Variants in ZMIZ1 observed in about 807,000 individuals in gnomAD.
The protein encoded by ZMIZ1 is zinc finger MIZ domain-containing protein 1.
In ZMIZ1, 17 loss-of-function variants were observed where a neutral mutation model predicts 113.9. The ratio of observed to expected loss-of-function variants is 0.15; its 90% CI spans 0.10 to 0.22. ZMIZ1 has a LOEUF of 0.22. ZMIZ1 is among the 10% of genes least tolerant of loss of function. The pLI is 1.00. For synonymous variants in ZMIZ1, 607 were observed against 603.1 expected (o/e 1.01, Z -0.09); for missense variants, 1,059 against 1,477.8 (o/e 0.72, Z 4.65).
At chr10:79,162,966 G>C (rs980286120) in intron 4 of ZMIZ1, among the ~76,000 whole-genome samples, 2 of 152,202 alleles carry the variant, frequency 1.3e-5, no homozygotes, top group African/African-American at 2.4e-5. Context: ...GCTCTGTCCC[G>C]TGCCCCAGCA....
intron 6 of ZMIZ1, among the ~76,000 whole-genome samples, chr10:79,212,892 A>G (rs1162579553): frequency 6.6e-6 from 1 of 152,178 alleles, no homozygotes. Context: ...GTGAGCCACC[A>G]TACCCAGTCA....
chr10:79,157,367 G>GT (rs1845937687), intron 3 of ZMIZ1, among the ~76,000 whole-genome samples: 1 of 80,406 alleles, frequency 1.2e-5, no homozygotes, highest in Non-Finnish European at 2.4e-5. Context: ...CAGGCATAAG[G>GT]GGTGTGTGTG....
chr10:79,269,488 C>CACACAA (rs1564567614), intron 7 of ZMIZ1, among the ~76,000 whole-genome samples: 1 of 150,816 alleles, frequency 6.6e-6, no homozygotes, highest in African/African-American at 2.4e-5. Context: ...CACACACACA[C>CACACAA]ACTTTCTCTG....
intron 7 of ZMIZ1, among the ~76,000 whole-genome samples, chr10:79,262,159 C>T (rs1851308379): frequency 6.6e-6 from 1 of 152,230 alleles, no homozygotes; most frequent in Non-Finnish European, 1.5e-5. Context: ...TAACAGAGCA[C>T]CTGCATCTTG....
intron 2 of ZMIZ1, among the ~76,000 whole-genome samples, chr10:79,138,449 C>T (rs1845115170): frequency 6.6e-6 from 1 of 152,250 alleles, no homozygotes; most frequent in Admixed American, 6.5e-5. Flanking sequence ...CTTGGGCTGG[C>T]CCTCCTTTGG....
At position 79,304,020 on chromosome 10, in the gene ZMIZ1, C is replaced by T. The variant is rs1854516687; in HGVS notation, c.2131C>T (p.Arg711Trp). Residue 711 changes from arginine (R) to tryptophan (W), a missense_variant, in exon 19 of 25, where the codon CGG becomes TGG. Physicochemically the swap from Arg to Trp is moderately radical, Grantham distance 101. This residue lies in a region of ZMIZ1 where 217 missense variants were observed against 426.9 expected (regional missense o/e 0.51). Transcript: ENST00000334512. ...CTGTGCCTCCTGCCCCGCAGTCAAG[C>T]GGAATTTCAGCAGCGTGGCTGCCTC... ...PAEHCITKIK[R>W]NFSSVAASSG... The T allele has an allele frequency of 6.2e-7, 1 of 1,614,042 alleles. No homozygotes were observed. The highest frequency in any genetic ancestry group is 1.3e-5 in the African/African-American group (1 of 75,050).
chr10:79,247,605 G>T (rs1034206677), intron 7 of ZMIZ1, among the ~76,000 whole-genome samples: 1 of 152,202 alleles, frequency 6.6e-6, no homozygotes, highest in Non-Finnish European at 1.5e-5. Context: ...ACCCTGCTGG[G>T]TTCCCCAACT....
At chr10:79,173,857 C>T (rs112927327) in intron 4 of ZMIZ1, among the ~76,000 whole-genome samples, 17 of 152,248 alleles carry the variant, frequency 1.1e-4, no homozygotes, top group East Asian at 5.8e-4. Flanking sequence ...AGAATTTGAA[C>T]GCGGCTCCAT....
intron 1 of ZMIZ1, among the ~76,000 whole-genome samples, chr10:79,086,392 G>C (rs1842814518): frequency 6.6e-6 from 1 of 152,214 alleles, no homozygotes. Flanking sequence ...ATGAGTTCTT[G>C]AATGATCAAG....
chr10:79,102,893 A>G (rs1843414206), intron 1 of ZMIZ1, among the ~76,000 whole-genome samples: 1 of 152,248 alleles, frequency 6.6e-6, no homozygotes, highest in African/African-American at 2.4e-5. Flanking sequence ...TGTTAGTTTT[A>G]TGCCAGCCAG....
At chr10:79,201,816 C>T (rs972106974) in intron 5 of ZMIZ1, 124 bp downstream of exon 5, 18 of 1,045,512 alleles carry the variant, frequency 1.7e-5, no homozygotes, top group South Asian at 4.2e-5. Context: ...CTATCGAGGC[C>T]GTTATTGGCA....
At position 79,298,467 on chromosome 10, in the gene ZMIZ1, C is replaced by G; in HGVS notation, c.1553C>G (p.Pro518Arg). Residue 518 changes from proline to arginine, a missense_variant, in exon 15 of 25, where the codon CCC becomes CGC. By Grantham distance (103) the Pro-to-Arg change is moderately radical. Around this residue, in one of 6 missense-constraint regions of ZMIZ1, gnomAD observed 239 missense variants for 247.5 expected, o/e 0.97. Coordinates refer to ENST00000334512, the MANE Select transcript of ZMIZ1 (RefSeq NM_020338.4). Reference protein sequence around the residue: ...PHSPVPGNPTPPMTPGSSIPP... With the variant: ...PHSPVPGNPTRPMTPGSSIPP... Reference sequence around the variant, plus strand: ...TCACCTGTTCCAGGGAACCCCACACCCCCCATGACCCCTGGGAGCAGCATC... The same window carrying G: ...TCACCTGTTCCAGGGAACCCCACACGCCCCATGACCCCTGGGAGCAGCATC... 6.2e-7 allele frequency: 1 copy of G among 1,606,698 alleles called. No homozygotes were observed. Among genetic ancestry groups the G allele is most frequent in the East Asian group, 2.3e-5 (1 of 44,070 alleles).
At chr10:79,290,815 T>G in intron 9 of ZMIZ1, 144 bp from the exon 10 acceptor site, 1 of 926,964 alleles carries the variant, frequency 1.1e-6, no homozygotes, top group Non-Finnish European at 1.7e-6. Context: ...CTCAGAATAG[T>G]TCATCCACCC....
intron 2 of ZMIZ1, among the ~76,000 whole-genome samples, chr10:79,138,024 C>CT (rs1028482476): frequency 6.6e-6 from 1 of 152,228 alleles, no homozygotes; most frequent in African/African-American, 2.4e-5. Context: ...CCACACTCTC[C>CT]TTCACCTCCT....
intron 1 of ZMIZ1, among the ~76,000 whole-genome samples, chr10:79,104,956 T>G (rs954135246): frequency 7.7e-6 from 1 of 130,484 alleles, no homozygotes; most frequent in Non-Finnish European, 1.6e-5. Flanking sequence ...GTGGGGTGTG[T>G]GTGTGTGTGT....
intron 1 of ZMIZ1, among the ~76,000 whole-genome samples, chr10:79,095,529 C>A (rs1222807480): frequency 6.6e-6 from 1 of 152,216 alleles, no homozygotes; most frequent in Non-Finnish European, 1.5e-5. Context: ...GGGTGTCAGG[C>A]AGGTCTCTCC....
chr10:79,298,462 C>T lies in ZMIZ1; in HGVS notation c.1548C>T (p.Pro516=). 6.2e-7 allele frequency: 1 copy of T among 1,608,082 alleles called. No individual in the cohort carries two copies. Among genetic ancestry groups the T allele is most frequent in the Non-Finnish European group, 8.5e-7 (1 of 1,177,448 alleles). The change falls in exon 15 of 25, where the codon CCC becomes CCT. Residue 516 remains proline (P), a synonymous_variant. Coordinates refer to ENST00000334512, the MANE Select transcript of ZMIZ1 (RefSeq NM_020338.4). ...CCCACTCACCTGTTCCAGGGAACCC[C>T]ACACCCCCCATGACCCCTGGGAGCA... is the stretch of plus-strand genomic sequence containing the variant. ...NYPHSPVPGN[P]TPPMTPGSSI... is the part of the protein sequence containing the mutation.
intron 4 of ZMIZ1, among the ~76,000 whole-genome samples, chr10:79,170,619 G>A (rs1201621829): frequency 6.6e-6 from 1 of 152,212 alleles, no homozygotes; most frequent in Non-Finnish European, 1.5e-5. Flanking sequence ...GTAGGGCGGA[G>A]GCCAGAGTGG....
At chr10:79,162,315 C>G (rs577036738) in intron 4 of ZMIZ1, among the ~76,000 whole-genome samples, 182 bp downstream of exon 4, 1 of 152,368 alleles carries the variant, frequency 6.6e-6, no homozygotes, top group East Asian at 1.9e-4. Context: ...GTCCCTCTAC[C>G]TGGCACCCAG....
Sources: allele counts gnomAD v4.1 joint callset (sites outside exome capture counted in the v4.1 genomes callset), GRCh38; gene constraint gnomAD v4.1.1; regional missense constraint gnomAD v4.1.1; transcripts MANE v1.5; gene names NCBI Gene and HGNC (gene_info 2026-07-23, HGNC 2026-07-21).